TGFB1: variants seen among roughly 807,000 people sequenced by gnomAD.
TGFB1 encodes transforming growth factor beta-1 proprotein.
TGFB1 carries 19 observed loss-of-function variants against 43.8 expected under a neutral mutation model. The ratio of observed to expected loss-of-function variants is 0.43; its 90% CI spans 0.30 to 0.64. TGFB1 has a LOEUF of 0.64. Among genes scored for constraint, TGFB1 ranks in the 30% least tolerant of loss-of-function variants. The pLI, the probability that TGFB1 is intolerant of heterozygous loss-of-function variation, is 0.11. For missense variants in TGFB1, 445 were observed against 529.8 expected (o/e 0.84, Z 1.57); for synonymous variants, 221 against 236.3 (o/e 0.94, Z 0.60).
At position 41,332,276 on chromosome 19, in the gene TGFB1, G is replaced by A. The variant is rs770754343; in HGVS notation, c.866C>T (p.Thr289Met). The A allele has an allele frequency of 5.0e-6, 8 of 1,613,742 alleles. No homozygotes were observed. In the South Asian group the frequency reaches 7.7e-5, roughly 16 times the overall value. The change falls in exon 6 of 7, where the codon ACG (threonine) becomes ATG (methionine). Residue 289 changes from threonine (T) to methionine (M), a missense_variant. Coordinates refer to ENST00000221930, the MANE Select transcript of TGFB1 (RefSeq NM_000660.7). ...ALDTNYCFSS[T>M]EKNCCVRQLY... The stretch of plus-strand genomic sequence containing the variant: ...CTGCCGCACGCAGCAGTTCTTCTCC[G>A]TGGAGCTGCAGGCAGGAGAGACGCG...
At position 41,331,008 on chromosome 19, in the gene TGFB1, G is replaced by C; in HGVS notation, c.*44C>G. The C allele has an allele frequency of 3.4e-6, 5 of 1,480,618 alleles. No homozygotes were observed. Among genetic ancestry groups the C allele is most frequent in the Non-Finnish European group, 4.5e-6 (5 of 1,115,208 alleles). 91.7% of individuals were successfully genotyped at this position (1,480,618 alleles called of 1,614,324 possible). A position where few individuals can be genotyped will look rare whatever the true frequency, so the allele number is the denominator to read the frequency against. On this transcript the variant is annotated 3_prime_UTR_variant, in exon 7 of 7. Transcript: ENST00000221930. ...GGGCAAGGCAGCGGGGGCGGGGCGG[G>C]GTGGGGCCGGGCCTGCCGGGGCGGG...
At chr19:41,332,501 T>A (rs142192777) in intron 5 of TGFB1, among the ~76,000 whole-genome samples, 9 of 152,308 alleles carry the variant, frequency 5.9e-5, no homozygotes, top group African/African-American at 1.2e-4. Context: ...AATGTAATAA[T>A]TAATTTCACG....
intron 5 of TGFB1, among the ~76,000 whole-genome samples, chr19:41,340,394 C>T (rs1289839010): frequency 6.6e-6 from 1 of 151,674 alleles, no homozygotes; most frequent in Non-Finnish European, 1.5e-5. Context: ...CCTGGATAGC[C>T]GTAATCCCAG....
At position 41,352,804 on chromosome 19, in the gene TGFB1, A is replaced by G. The variant is rs111033611; in HGVS notation, c.241T>C (p.Tyr81His). The part of the protein sequence containing the change: ...GPLPEAVLAL[Y>H]NSTRDRVAGE... ...GCCACCCGGTCGCGGGTGCTGTTGT[A>G]CAGGGCGAGCACGGCCTCGGGCAGC... Residue 81 changes from tyrosine to histidine, a missense_variant, in exon 1 of 7, where the codon TAC (tyrosine) becomes CAC (histidine). Tyr to His is a moderately conservative substitution (Grantham distance 83). Around this residue, in one of 3 missense-constraint regions of TGFB1, gnomAD observed 366 missense variants for 428.8 expected, o/e 0.85. Coordinates refer to ENST00000221930, the MANE Select transcript of TGFB1 (RefSeq NM_000660.7). The G allele has an allele frequency of 6.2e-7, 1 of 1,607,672 alleles. No homozygotes were observed. Among genetic ancestry groups the G allele is most frequent in the Non-Finnish European group, 8.5e-7 (1 of 1,176,968 alleles).
At chr19:41,352,343 A>ACCCCCCCC (rs11307639) in intron 1 of TGFB1, among the ~76,000 whole-genome samples, 1 of 83,502 alleles carries the variant, frequency 1.2e-5, no homozygotes, top group African/African-American at 4.9e-5. Flanking sequence ...GCACCCCACG[A>ACCCCCCCC]CCCCCCCCCC....
intron 6 of TGFB1, 35 bp downstream of exon 6, chr19:41,332,093 C>A (rs202125337): frequency 3.1e-5 from 50 of 1,601,812 alleles, no homozygotes; most frequent in Non-Finnish European, 4.0e-5. Flanking sequence ...TGGCTCCCCC[C>A]AAGCGCATCT....
At chr19:41,351,723 G>A (rs1458215337) in intron 1 of TGFB1, among the ~76,000 whole-genome samples, 1 of 151,986 alleles carries the variant, frequency 6.6e-6, no homozygotes, top group African/African-American at 2.4e-5. Flanking sequence ...TCTCACCTCG[G>A]TCTTGTAGAG....
At chr19:41,349,665 G>A (rs949378394) in intron 1 of TGFB1, among the ~76,000 whole-genome samples, 1 of 152,192 alleles carries the variant, frequency 6.6e-6, no homozygotes, top group Non-Finnish European at 1.5e-5. Context: ...GTTGAGGCAT[G>A]AGAATCGCTT....
chr19:41,335,003 T>A (rs1197962646), intron 5 of TGFB1, among the ~76,000 whole-genome samples: 1 of 151,954 alleles, frequency 6.6e-6, no homozygotes, highest in South Asian at 2.1e-4. Flanking sequence ...TGGCTTTCAC[T>A]TTCTCACAGG....
Position 41,341,899 on chromosome 19 carries a change from T to C in TGFB1, c.844A>G (p.Thr282Ala). 1 of 1,613,666 alleles carries C rather than the reference T, an allele frequency of 6.2e-7. No homozygotes were observed. The stretch of plus-strand genomic sequence containing the variant: ...AAGGCTCACCTGAAGCAATAGTTGG[T>C]GTCCAGGGCTCGGCGGTGCCGGGAG... ...QSSRHRRALD[T>A]NYCFSSTEKN... The change falls in exon 5 of 7, where the codon ACC (threonine) becomes GCC (alanine). Residue 282 changes from threonine (T) to alanine (A), a missense_variant. Coordinates refer to ENST00000221930, the MANE Select transcript of TGFB1 (RefSeq NM_000660.7).
intron 5 of TGFB1, among the ~76,000 whole-genome samples, chr19:41,340,187 A>C (rs991463154): frequency 1.3e-5 from 2 of 149,012 alleles, no homozygotes; most frequent in South Asian, 4.3e-4. Context: ...GTATGCCAGT[A>C]TTGCATCCCA....
intron 5 of TGFB1, among the ~76,000 whole-genome samples, chr19:41,337,332 G>C (rs935649445): frequency 1.3e-5 from 2 of 152,072 alleles, no homozygotes; most frequent in African/African-American, 2.4e-5. Context: ...GTAGAGAGGA[G>C]GTTTCACCAC....
chr19:41,331,142 C>T lies in TGFB1; in HGVS notation c.1083G>A (p.Leu361=). The T allele has an allele frequency of 1.9e-6, 3 of 1,570,344 alleles. No homozygotes were observed. The highest frequency in any genetic ancestry group is 2.6e-6 in the Non-Finnish European group (3 of 1,160,066). ...CGTAGTACACGATGGGCAGCGGCTC[C>T]AGCGCCTGCGGCACGCAGCACGGCG... ...SAAPCCVPQA[L]EPLPIVYYVG... The change falls in exon 7 of 7, where the codon CTG becomes CTA. Residue 361 remains leucine (L), a synonymous_variant. Coordinates refer to ENST00000221930, the MANE Select transcript of TGFB1 (RefSeq NM_000660.7).
At chr19:41,347,456 C>A (rs1032498504) in intron 2 of TGFB1, among the ~76,000 whole-genome samples, 3 of 152,138 alleles carry the variant, frequency 2.0e-5, no homozygotes, top group African/African-American at 7.2e-5. Context: ...AATCCTGTGT[C>A]CTTAAAGAGT....
In TGFB1 at chr19:41,330,693, A is replaced by C; in HGVS notation, c.*359T>G. 4.9e-6 allele frequency: 1 copy of C among 205,790 alleles called. No individual in the cohort carries two copies. The highest frequency in any genetic ancestry group is 9.8e-6 in the Non-Finnish European group (1 of 102,422). The allele number at this position is 205,790 out of a possible 1,614,324, so 12.7% of individuals were successfully genotyped here. On this transcript the variant is annotated 3_prime_UTR_variant, in exon 7 of 7. Transcript: ENST00000221930. ...CTCAGAGTGTTGCTATGGTGACTGA[A>C]TGAGTTCATTAATGTAAGGCACTTC...
intron 2 of TGFB1, among the ~76,000 whole-genome samples, chr19:41,346,743 T>C (rs544856250): frequency 6.6e-6 from 1 of 152,326 alleles, no homozygotes; most frequent in African/African-American, 2.4e-5. Context: ...TTTATTTTTT[T>C]GAGACAGAGT....
chr19:41,346,220 C>T (rs1425228453), intron 2 of TGFB1, among the ~76,000 whole-genome samples: 1 of 152,104 alleles, frequency 6.6e-6, no homozygotes, highest in Non-Finnish European at 1.5e-5. Flanking sequence ...TGTGGTGGTG[C>T]ATGCCTGTAA....
intron 1 of TGFB1, among the ~76,000 whole-genome samples, chr19:41,349,256 C>CATT (rs2038154111): frequency 1.3e-5 from 2 of 152,212 alleles, no homozygotes; most frequent in Admixed American, 1.3e-4. Flanking sequence ...ACAGCAATAA[C>CATT]ATTAAGCTCC....
At chr19:41,333,039 C>T (rs2037950659) in intron 5 of TGFB1, among the ~76,000 whole-genome samples, 1 of 152,026 alleles carries the variant, frequency 6.6e-6, no homozygotes, top group African/African-American at 2.4e-5. Context: ...TGGCTGATCT[C>T]AACTCCCTCT....
Sources: gnomAD v4.1 joint callset for allele counts (sites outside exome capture counted in the v4.1 genomes callset) on GRCh38, gnomAD v4.1.1 for gene constraint, gnomAD v4.1.1 regional missense constraint, MANE v1.5 for transcripts, NCBI Gene and HGNC (gene_info 2026-07-23, HGNC 2026-07-21) for gene names.